SERPINA6: variants seen among roughly 807,000 people sequenced by gnomAD.
SERPINA6 encodes corticosteroid-binding globulin.
SERPINA6 carries 19 observed loss-of-function variants against 26.4 expected under a neutral mutation model. The observed-to-expected ratio is 0.72, with a 90% CI of 0.50 to 1.06. SERPINA6 has a LOEUF of 1.06. Among genes scored for constraint, SERPINA6 ranks in the 50% least tolerant of loss-of-function variants. SERPINA6 has a pLI of 0.00. For synonymous variants in SERPINA6, 196 were observed against 199.4 expected, an observed-to-expected ratio of 0.98 and a Z score of 0.14; for missense variants, 473 against 504.0, an observed-to-expected ratio of 0.94 and a Z score of 0.59.
At chr14:94,314,802 C>A in intron 1 of SERPINA6, 135 bp from the exon 2 acceptor site, 1 of 791,126 alleles carries the variant, frequency 1.3e-6, no homozygotes, top group Non-Finnish European at 2.1e-6. Context: ...ACCTGGAGCA[C>A]ATCACAGAGG....
chr14:94,311,378 T>A (rs1895527490), intron 2 of SERPINA6, among the ~76,000 whole-genome samples: 1 of 152,248 alleles, frequency 6.6e-6, no homozygotes. Flanking sequence ...TAGGTTTTTT[T>A]CGTCCTTAAC....
chr14:94,307,608 A>G (rs8022616), intron 3 of SERPINA6, among the ~76,000 whole-genome samples: 21,056 of 152,228 alleles, frequency 0.14, 1,855 homozygotes, highest in East Asian at 0.41. Context: ...CCCTTGTGGT[A>G]TTACACCTAA....
chr14:94,304,522 A>G lies in SERPINA6; in HGVS notation c.1114T>C (p.Ser372Pro), dbSNP rs1895407330. The change falls in exon 5 of 5, where the codon TCC becomes CCC. Residue 372 changes from serine to proline, a missense_variant. By Grantham distance (74) the Ser-to-Pro change is moderately conservative. Transcript: ENST00000341584. ...GSTGVTLNLT[S>P]KPIILRFNQP... is the part of the protein sequence containing the mutation. ...TTGAAACGCAAGATGATAGGCTTGG[A>G]CGTCAGGTTTAGGGTGACCCCAGTG... The G allele has an allele frequency of 6.2e-7, 1 of 1,614,074 alleles. No homozygotes were observed. Among genetic ancestry groups the G allele is most frequent in the African/African-American group, 1.3e-5 (1 of 74,920 alleles).
chr14:94,312,308 T>C (rs1000197946), intron 2 of SERPINA6, among the ~76,000 whole-genome samples: 1 of 152,148 alleles, frequency 6.6e-6, no homozygotes, highest in Non-Finnish European at 1.5e-5. Context: ...CCAGCACCCG[T>C]TCCACCAACA....
intron 1 of SERPINA6, among the ~76,000 whole-genome samples, chr14:94,318,440 C>A (rs370795116): frequency 1.3e-5 from 2 of 152,054 alleles, no homozygotes; most frequent in South Asian, 2.1e-4. Flanking sequence ...CTATAATAAT[C>A]AAAACAGTGT....
At chr14:94,317,908 G>A (rs1895633952) in intron 1 of SERPINA6, among the ~76,000 whole-genome samples, 1 of 152,160 alleles carries the variant, frequency 6.6e-6, no homozygotes, top group South Asian at 2.1e-4. Flanking sequence ...AAGTAAAATT[G>A]TCTGTGTTCA....
Position 94,309,994 on chromosome 14 carries a change from T to C in SERPINA6, c.626A>G (p.Gln209Arg). 3.7e-6 allele frequency: 6 copies of C among 1,614,138 alleles called. No homozygotes were observed. Among genetic ancestry groups the C allele is most frequent in the Non-Finnish European group, 5.1e-6 (6 of 1,180,002 alleles). ...CCTGGTGCTTGCCAGGTCAAAGGGC[T>C]GTGTCCATGTGCCTAGGAAGAGGAG... ...NYIFFKGTWT[Q>R]PFDLASTREE... is the part of the protein sequence containing the mutation. Residue 209 changes from glutamine (Q) to arginine (R), a missense_variant, in exon 3 of 5, where the codon CAG (glutamine) becomes CGG (arginine). Coordinates refer to ENST00000341584, the MANE Select transcript of SERPINA6 (RefSeq NM_001756.4).
At chr14:94,306,038 G>A in intron 4 of SERPINA6, 33 bp downstream of exon 4, 1 of 1,613,060 alleles carries the variant, frequency 6.2e-7, no homozygotes, top group Non-Finnish European at 8.5e-7. Context: ...AATTTTGGAG[G>A]GGGAAGAAAA....
At chr14:94,315,321 G>A (rs1340332265) in intron 1 of SERPINA6, among the ~76,000 whole-genome samples, 2 of 152,186 alleles carry the variant, frequency 1.3e-5, no homozygotes. Context: ...CAGAGCTTTT[G>A]TATGCTATTG....
Position 94,304,614 on chromosome 14 carries a change from C to G in SERPINA6, c.1033-11G>C. On this transcript the variant is annotated splice_polypyrimidine_tract_variant and intron_variant, in intron 4 of 4. Transcript: ENST00000341584. ...AGCTTTATGGACCACCTGTTAGGTA[C>G]AGAATGAAGATGGGTAGTGAGACCT... 2 of 1,612,712 alleles carry G rather than the reference C, an allele frequency of 1.2e-6. No homozygotes were observed. The highest frequency in any genetic ancestry group is 1.1e-5 in the South Asian group (1 of 91,020).
chr14:94,313,397 C>T (rs751175711), intron 2 of SERPINA6, among the ~76,000 whole-genome samples: 1 of 152,186 alleles, frequency 6.6e-6, no homozygotes, highest in African/African-American at 2.4e-5. Flanking sequence ...GGGCCATTAT[C>T]CAGTGTAATC....
In SERPINA6 at chr14:94,314,546, G is replaced by A. The variant is rs1895584951; in HGVS notation, c.103C>T (p.His35Tyr). Residue 35 changes from histidine (H) to tyrosine (Y), a missense_variant, in exon 2 of 5, where the codon CAT becomes TAT. Physicochemically the swap from His to Tyr is moderately conservative, Grantham distance 83. Coordinates refer to ENST00000341584, the MANE Select transcript of SERPINA6 (RefSeq NM_001756.4). ...TTGGCTGAAGCCAGGCCCCGGTGAT[G>A]GTTACTCATGTTCACATAAGCAGCG... is the stretch of plus-strand genomic sequence containing the variant. ...PNAAYVNMSNHHRGLASANVD... is the reference protein window; with the variant it reads ...PNAAYVNMSNYHRGLASANVD... 6.2e-7 allele frequency: 1 copy of A among 1,614,242 alleles called. No homozygotes were observed. Among genetic ancestry groups the A allele is most frequent in the Non-Finnish European group, 8.5e-7 (1 of 1,180,034 alleles).
chr14:94,310,091 CAG>C, intron 2 of SERPINA6, 85 bp from the exon 3 acceptor site: 1 of 1,385,588 alleles, frequency 7.2e-7, no homozygotes, highest in South Asian at 1.2e-5. Flanking sequence ...CCAAGTGACA[CAG>C]TGGCCTTCTG....
intron 2 of SERPINA6, among the ~76,000 whole-genome samples, chr14:94,312,298 C>T (rs1395017885): frequency 6.6e-6 from 1 of 152,184 alleles, no homozygotes; most frequent in Non-Finnish European, 1.5e-5. Context: ...TGACACCAGG[C>T]CAGCACCCGT....
chr14:94,307,025 C>T (rs1895450654), intron 3 of SERPINA6, among the ~76,000 whole-genome samples: 1 of 152,150 alleles, frequency 6.6e-6, no homozygotes, highest in Non-Finnish European at 1.5e-5. Flanking sequence ...AAAAGCAGCC[C>T]TGAGTGAGGC....
At position 94,314,674 on chromosome 14, in the gene SERPINA6, AATCAGAAAAGCTTGTTAG is replaced by A; in HGVS notation, c.-19-25_-19-8del. The stretch of plus-strand genomic sequence containing the variant: ...TGTCCAGTATAGCCAGGCCCTGCCA[AATCAGAAAAGCTTGTTAG>A]ATGCTGTGGCAGTCTCTGAGTCAAT... On this transcript the variant is annotated splice_polypyrimidine_tract_variant and splice_region_variant and intron_variant, in intron 1 of 4. Transcript: ENST00000341584. 6.2e-7 allele frequency: 1 copy of A among 1,609,308 alleles called. No individual in the cohort carries two copies.
At chr14:94,314,841 G>C (rs1209231241) in intron 1 of SERPINA6, 174 bp from the exon 2 acceptor site, 2 of 648,622 alleles carry the variant, frequency 3.1e-6, no homozygotes, top group East Asian at 2.7e-5. Flanking sequence ...CTCATCTGGA[G>C]ATATGAATAA....
intron 2 of SERPINA6, among the ~76,000 whole-genome samples, chr14:94,311,380 G>A (rs1013363549): frequency 2.6e-5 from 4 of 151,938 alleles, no homozygotes; most frequent in Admixed American, 6.6e-5. Context: ...GGTTTTTTTC[G>A]TCCTTAACAT....
At chr14:94,313,346 G>A (rs763347165) in intron 2 of SERPINA6, among the ~76,000 whole-genome samples, 2 of 152,194 alleles carry the variant, frequency 1.3e-5, no homozygotes, top group East Asian at 3.8e-4. Flanking sequence ...TTGCTAATCG[G>A]CTGGCCTTGA....
Sources: allele counts gnomAD v4.1 joint callset (sites outside exome capture counted in the v4.1 genomes callset), GRCh38; gene constraint gnomAD v4.1.1; transcripts MANE v1.5; gene names NCBI Gene and HGNC (gene_info 2026-07-23, HGNC 2026-07-21).